The following RASAL2 variants were observed in gnomAD, a reference collection of about 807,000 sequenced individuals.
RASAL2 encodes the protein ras GTPase-activating protein nGAP.
A neutral mutation model predicts 128.9 loss-of-function variants in RASAL2; 58 were observed. The observed-to-expected ratio is 0.45, with a 90% CI of 0.36 to 0.56. The LOEUF (loss-of-function observed/expected upper bound fraction) is 0.56, where lower values mean the gene tolerates loss of function less well. Among genes scored for constraint, RASAL2 ranks in the 20% least tolerant of loss-of-function variants. The probability of loss-of-function intolerance (pLI) is 0.00; values close to 1 mark genes in which losing one functional copy is unlikely to be tolerated. For missense variants in RASAL2, 1,360 were observed against 1,601.6 expected, an observed-to-expected ratio of 0.85 and a Z score of 2.57; for synonymous variants, 561 against 580.8, an observed-to-expected ratio of 0.97 and a Z score of 0.49.
chr1:178,464,468 A>G (rs948679438), intron 15 of RASAL2, 56 bp downstream of exon 15: 2 of 1,591,480 alleles, frequency 1.3e-6, no homozygotes, highest in African/African-American at 2.7e-5. Flanking sequence ...GGCCACTAAA[A>G]AGGTTATCTA....
rs1676937455 is a variant in RASAL2 at position 178,445,517 on chromosome 1, G to A, written c.1483-1G>A. On this transcript the variant is annotated splice_acceptor_variant, in intron 8 of 17. Transcript: ENST00000367649. LOFTEE classifies it high-confidence loss of function. ...TGCCTGATTGAACATTATTCTACCA[G>A]GATTTTCTGACTGACTTGGTGATGT... 1 of 1,612,506 alleles carries A rather than the reference G, an allele frequency of 6.2e-7. No homozygotes were observed. Among genetic ancestry groups the A allele is most frequent in the Non-Finnish European group, 8.5e-7 (1 of 1,179,306 alleles).
chr1:178,133,313 A>C (rs1024104576), intron 1 of RASAL2, among the ~76,000 whole-genome samples: 17 of 152,160 alleles, frequency 1.1e-4, no homozygotes, highest in Admixed American at 2.0e-4. Flanking sequence ...ATGAAACAAA[A>C]AGCCTGTTAT....
intron 1 of RASAL2, among the ~76,000 whole-genome samples, chr1:178,238,192 G>A (rs1664338411): frequency 6.6e-6 from 1 of 152,140 alleles, no homozygotes; most frequent in Non-Finnish European, 1.5e-5. Context: ...GACATTTTGT[G>A]TCTAGCTTCT....
intron 4 of RASAL2, among the ~76,000 whole-genome samples, chr1:178,420,092 G>A (rs1675043621): frequency 6.6e-6 from 1 of 152,098 alleles, no homozygotes; most frequent in East Asian, 1.9e-4. Context: ...CTTTGCACAT[G>A]CCATTTTCTT....
At chr1:178,178,435 C>G in intron 1 of RASAL2, among the ~76,000 whole-genome samples, 1 of 151,954 alleles carries the variant, frequency 6.6e-6, no homozygotes. Context: ...TTTTTTTCCT[C>G]TGAGATACTT....
At chr1:178,107,634 C>G (rs1659144581) in intron 1 of RASAL2, among the ~76,000 whole-genome samples, 1 of 152,130 alleles carries the variant, frequency 6.6e-6, no homozygotes, top group Non-Finnish European at 1.5e-5. Context: ...CCTTTCCCCT[C>G]CTCTTAGCAG....
At chr1:178,246,602 T>C (rs769837623) in intron 1 of RASAL2, among the ~76,000 whole-genome samples, 2 of 152,164 alleles carry the variant, frequency 1.3e-5, no homozygotes, top group Non-Finnish European at 2.9e-5. Context: ...TCCAACACTA[T>C]GTTGAATCGG....
At chr1:178,295,429 C>T (rs1667450444) in intron 2 of RASAL2, among the ~76,000 whole-genome samples, 1 of 151,608 alleles carries the variant, frequency 6.6e-6, no homozygotes, top group Admixed American at 6.6e-5. Context: ...CATGTGTTCT[C>T]ATTGTTCAGC....
At chr1:178,330,105 A>G (rs73035249) in intron 3 of RASAL2, among the ~76,000 whole-genome samples, 2,904 of 152,310 alleles carry the variant, frequency 0.019, 81 homozygotes, top group African/African-American at 0.063. Context: ...AATATTATTG[A>G]ATGCTCAAGT....
chr1:178,286,733 C>T (rs1667048187), intron 2 of RASAL2, among the ~76,000 whole-genome samples: 1 of 152,150 alleles, frequency 6.6e-6, no homozygotes, highest in Admixed American at 6.5e-5. Context: ...TCTAACCTTC[C>T]TCGTCGTTTT....
At chr1:178,201,276 A>G (rs927054063) in intron 1 of RASAL2, among the ~76,000 whole-genome samples, 1 of 152,130 alleles carries the variant, frequency 6.6e-6, no homozygotes, top group African/African-American at 2.4e-5. Flanking sequence ...CTAATAGTTC[A>G]TTTGCTTGGT....
At chr1:178,097,960 T>C (rs1403165404) in intron 1 of RASAL2, among the ~76,000 whole-genome samples, 1 of 152,198 alleles carries the variant, frequency 6.6e-6, no homozygotes, top group African/African-American at 2.4e-5. Flanking sequence ...TTATAATAGG[T>C]GGCTCTATAT....
At chr1:178,362,984 T>G (rs1055139806) in intron 3 of RASAL2, among the ~76,000 whole-genome samples, 1 of 152,210 alleles carries the variant, frequency 6.6e-6, no homozygotes, top group Non-Finnish European at 1.5e-5. Context: ...CAGATTTTTT[T>G]AATAAGATTG....
chr1:178,323,396 A>G (rs1312423741), intron 3 of RASAL2, among the ~76,000 whole-genome samples: 3 of 152,204 alleles, frequency 2.0e-5, no homozygotes, highest in African/African-American at 4.8e-5. Context: ...ATAATCTTAG[A>G]TGTGGGTAAT....
chr1:178,212,532 C>G (rs1663288243), intron 1 of RASAL2, among the ~76,000 whole-genome samples: 3 of 152,158 alleles, frequency 2.0e-5, no homozygotes, highest in African/African-American at 7.2e-5. Flanking sequence ...CACTCTGTCG[C>G]TCAGGCTGGA....
At chr1:178,372,254 C>T in intron 3 of RASAL2, 1 of 985,218 alleles carries the variant, frequency 1.0e-6, no homozygotes, top group Non-Finnish European at 1.2e-6. Flanking sequence ...AGTCTCCTTT[C>T]CCCCGGTGAT....
chr1:178,159,484 A>T (rs1334459461), intron 1 of RASAL2, among the ~76,000 whole-genome samples: 1 of 152,216 alleles, frequency 6.6e-6, no homozygotes, highest in Non-Finnish European at 1.5e-5. Flanking sequence ...CCTAGAAAAT[A>T]AAATAAAACA....
At chr1:178,359,594 A>C (rs1322274051) in intron 3 of RASAL2, among the ~76,000 whole-genome samples, 1 of 152,332 alleles carries the variant, frequency 6.6e-6, no homozygotes, top group East Asian at 1.9e-4. Context: ...TTTATTATTT[A>C]TTAACTATGT....
intron 4 of RASAL2, among the ~76,000 whole-genome samples, chr1:178,397,772 ATTT>A (rs11358360): frequency 2.8e-5 from 4 of 142,534 alleles, no homozygotes; most frequent in African/African-American, 7.7e-5. Flanking sequence ...TACCTGGCTA[ATTT>A]TTTTTTTTTT....
Sources: gnomAD v4.1 joint callset for allele counts (sites outside exome capture counted in the v4.1 genomes callset) on GRCh38, gnomAD v4.1.1 for gene constraint, MANE v1.5 for transcripts, NCBI Gene and HGNC (gene_info 2026-07-23, HGNC 2026-07-21) for gene names.